The following TXNDC5 variants were observed in gnomAD, a reference collection of about 807,000 sequenced individuals.
TXNDC5 encodes the protein thioredoxin domain-containing protein 5.
In TXNDC5, 44 loss-of-function variants were observed where a neutral mutation model predicts 52.6. The ratio of observed to expected loss-of-function variants is 0.84; its 90% CI spans 0.66 to 1.08. The LOEUF is 1.08. Ranked by LOEUF, TXNDC5 falls within the 50% of genes least tolerant of loss-of-function variation. The probability of loss-of-function intolerance (pLI) is 0.00; values close to 1 mark genes in which losing one functional copy is unlikely to be tolerated. For missense variants in TXNDC5, 600 were observed against 565.5 expected (o/e 1.06, Z -0.62); for synonymous variants, 241 against 234.4 (o/e 1.03, Z -0.26).
At chr6:7,907,513 A>G (rs778675301) in intron 1 of TXNDC5, among the ~76,000 whole-genome samples, 2 of 152,258 alleles carry the variant, frequency 1.3e-5, no homozygotes, top group Non-Finnish European at 2.9e-5. Context: ...GCAGCAGGAT[A>G]ACCCTGCAGA....
intron 8 of TXNDC5, among the ~76,000 whole-genome samples, chr6:7,885,514 C>G (rs545277148): frequency 6.6e-6 from 1 of 152,330 alleles, no homozygotes; most frequent in East Asian, 1.9e-4. Context: ...ATGGCTCTAA[C>G]AGACTCTACT....
intron 3 of TXNDC5, among the ~76,000 whole-genome samples, chr6:7,896,261 CAGAAAGAGG>C (rs1314551364): frequency 6.6e-6 from 1 of 152,140 alleles, no homozygotes; most frequent in African/African-American, 2.4e-5. Context: ...AAGTCTCATA[CAGAAAGAGG>C]GGGAAAGGGG....
In TXNDC5 at chr6:7,891,618, C is replaced by A. The variant is rs1760192751; in HGVS notation, c.732+3G>T. 1 of 1,613,050 alleles carries A rather than the reference C, an allele frequency of 6.2e-7. No homozygotes were observed. Among genetic ancestry groups the A allele is most frequent in the South Asian group, 1.1e-5 (1 of 90,948 alleles). On this transcript the variant is annotated splice_donor_region_variant and intron_variant, in intron 5 of 9. Coordinates refer to ENST00000379757, the MANE Select transcript of TXNDC5 (RefSeq NM_030810.5). ...TTCCAGTTTAATAAGGGCTTTCACT[C>A]ACCTTGCCAATCTTGACAGTTTCGG...
chr6:7,892,004 AG>A (rs1349070976), intron 4 of TXNDC5, among the ~76,000 whole-genome samples: 1 of 152,248 alleles, frequency 6.6e-6, no homozygotes, highest in African/African-American at 2.4e-5. Flanking sequence ...GGAAAGAATC[AG>A]GCATTTCTCC....
chr6:7,900,835 C>T (rs1290644956), intron 2 of TXNDC5, among the ~76,000 whole-genome samples: 2 of 152,228 alleles, frequency 1.3e-5, no homozygotes, highest in East Asian at 3.9e-4. Flanking sequence ...AGGTATGCAA[C>T]CCTATTCATG....
Position 7,910,725 on chromosome 6 carries a change from G to A in TXNDC5, c.52C>T (p.Leu18=), listed in dbSNP as rs1581336416. The A allele has an allele frequency of 9.6e-7, 1 of 1,038,758 alleles. No individual in the cohort carries two copies. Among genetic ancestry groups the A allele is most frequent in the Non-Finnish European group, 1.2e-6 (1 of 868,322 alleles). 64.3% of individuals were successfully genotyped at this position (1,038,758 alleles called of 1,614,324 possible). A position where few individuals can be genotyped will look rare whatever the true frequency, so the allele number is the denominator to read the frequency against. ...LLPLLARPAA[L]TALLLLLLGH... is the part of the protein sequence containing the mutation. ...AGCAGCAGCAGCAGCAGCGCAGTCAGGGCCGCCGGCCGGGCCAGCAGCGGG... is the reference window on the plus strand; with the variant it reads ...AGCAGCAGCAGCAGCAGCGCAGTCAAGGCCGCCGGCCGGGCCAGCAGCGGG... Residue 18 remains leucine, a synonymous_variant, in exon 1 of 10, where the codon CTG becomes TTG. Transcript: ENST00000379757.
At position 7,895,291 on chromosome 6, in the gene TXNDC5, C is replaced by T. The variant is rs1760329893; in HGVS notation, c.520-89G>A. ...GGTGACTGTGTCTGTGGGGAACCGC[C>T]TGCAGATGCCTCCCTCACCCAACAA... is the stretch of plus-strand genomic sequence containing the variant. On this transcript the variant is annotated intron_variant, in intron 3 of 9. Transcript: ENST00000379757. The T allele has an allele frequency of 4.4e-6, 5 of 1,148,242 alleles. No homozygotes were observed. The South Asian group carries it at 7.6e-5, about 17-fold the overall frequency. 71.1% of individuals were successfully genotyped at this position (1,148,242 alleles called of 1,614,324 possible).
chr6:7,900,438 C>T (rs556983616), intron 2 of TXNDC5, among the ~76,000 whole-genome samples: 17 of 152,224 alleles, frequency 1.1e-4, no homozygotes, highest in Non-Finnish European at 1.9e-4. Context: ...AATGTGACTA[C>T]CAATAGAAGA....
chr6:7,895,027 G>A, intron 4 of TXNDC5, 79 bp downstream of exon 4: 21 of 1,517,058 alleles, frequency 1.4e-5, no homozygotes, highest in East Asian at 2.4e-5. Flanking sequence ...AAGAGCCCTT[G>A]AGTAGCAGGA....
chr6:7,899,112 G>T (rs1019517020), intron 3 of TXNDC5, among the ~76,000 whole-genome samples: 1 of 152,148 alleles, frequency 6.6e-6, no homozygotes, highest in Non-Finnish European at 1.5e-5. Flanking sequence ...GAGATTCTAG[G>T]CTGGGCCCAG....
At chr6:7,899,551 G>GGGAGGGAA in intron 3 of TXNDC5, 25 bp downstream of exon 3, 1 of 1,568,284 alleles carries the variant, frequency 6.4e-7, no homozygotes, top group Non-Finnish European at 8.7e-7. Flanking sequence ...GAGGGAGGGA[G>GGGAGGGAA]GGAGGGAAGG....
intron 1 of TXNDC5, among the ~76,000 whole-genome samples, chr6:7,906,559 A>G (rs1053520125): frequency 3.1e-5 from 4 of 129,276 alleles, no homozygotes; most frequent in Non-Finnish European, 4.6e-5. Context: ...AAAAAAAAAG[A>G]AAAACAGACT....
chr6:7,899,720 A>C, intron 2 of TXNDC5, 39 bp from the exon 3 acceptor site: 4 of 1,568,894 alleles, frequency 2.5e-6, no homozygotes, highest in Non-Finnish European at 3.5e-6. Flanking sequence ...GCAAAAAGAA[A>C]GTTGTCTTAT....
chr6:7,895,325 C>T (rs1561810863), intron 3 of TXNDC5, 123 bp from the exon 4 acceptor site: 2 of 804,856 alleles, frequency 2.5e-6, no homozygotes, highest in East Asian at 5.4e-5. Context: ...AACCTGGAAC[C>T]CTTGTACGAT....
chr6:7,894,824 G>C (rs1224232522), intron 4 of TXNDC5: 1 of 985,330 alleles, frequency 1.0e-6, no homozygotes, highest in African/African-American at 1.7e-5. Flanking sequence ...AGGTGAGTCT[G>C]TCAATAAACA....
At position 7,909,972 on chromosome 6, in the gene TXNDC5, C is replaced by T. The variant is rs549421552; in HGVS notation, c.263+542G>A. The T allele has an allele frequency of 2.4e-5, 24 of 986,106 alleles. No individual in the cohort carries two copies. The African/African-American group carries it at 3.8e-4, about 16-fold the overall frequency. The allele number at this position is 986,106 out of a possible 1,614,324, so 61.1% of individuals were successfully genotyped here. On this transcript the variant is annotated intron_variant, in intron 1 of 9. Transcript: ENST00000379757. ...TCCGGCCGGCACAGGAAGTTTGGGG[C>T]GCTGGGCAGGGACCGCGGGGTGACA...
At position 7,883,188 on chromosome 6, in the gene TXNDC5, A is replaced by G; in HGVS notation, c.1255T>C (p.Ser419Pro). The part of the protein sequence containing the change: ...SEHSGGRDLD[S>P]LHRFVLSQAK... The stretch of plus-strand genomic sequence containing the variant: ...TGGCTCAGGACAAAGCGGTGTAACG[A>G]GTCAAGGTCTCTGCCTCCACTGTGC... Residue 419 changes from serine (S) to proline (P), a missense_variant, in exon 10 of 10, where the codon TCG (serine) becomes CCG (proline). Physicochemically the swap from Ser to Pro is moderately conservative, Grantham distance 74. Coordinates refer to ENST00000379757, the MANE Select transcript of TXNDC5 (RefSeq NM_030810.5). 1.9e-6 allele frequency: 3 copies of G among 1,614,202 alleles called. No individual in the cohort carries two copies. The highest frequency in any genetic ancestry group is 2.5e-6 in the Non-Finnish European group (3 of 1,180,024).
At chr6:7,901,529 T>A (rs928210801) in intron 2 of TXNDC5, among the ~76,000 whole-genome samples, 1 of 152,252 alleles carries the variant, frequency 6.6e-6, no homozygotes, top group Admixed American at 6.5e-5. Flanking sequence ...ATAATCGTTC[T>A]AACCTGCCCA....
At chr6:7,889,334 T>C (rs1282802030) in intron 6 of TXNDC5, 161 bp downstream of exon 6, 5 of 614,152 alleles carry the variant, frequency 8.1e-6, no homozygotes, top group South Asian at 2.3e-5. Context: ...CCAAATCTTA[T>C]CAATTAAGAG....
Sources: gnomAD v4.1 joint callset for allele counts (sites outside exome capture counted in the v4.1 genomes callset) on GRCh38, gnomAD v4.1.1 for gene constraint, MANE v1.5 for transcripts, NCBI Gene and HGNC (gene_info 2026-07-23, HGNC 2026-07-21) for gene names.